CGB1: variants seen among roughly 807,000 people sequenced by gnomAD.
The protein encoded by CGB1 is choriogonadotropin subunit beta variant 1.
In CGB1, 4 loss-of-function variants were observed where a neutral mutation model predicts 7.0. The ratio of observed to expected loss-of-function variants is 0.57; its 90% CI spans 0.28 to 1.31. The LOEUF is 1.31. Ranked by LOEUF, CGB1 falls within the 50% of genes most tolerant of loss-of-function variation. The pLI is 0.10. For synonymous variants in CGB1, 72 were observed against 96.4 expected (o/e 0.75, Z 1.48); for missense variants, 139 against 219.1 (o/e 0.63, Z 2.31).
At position 49,035,652 on chromosome 19, in the gene CGB1, A is replaced by G. The variant is rs2039804837; in HGVS notation, c.426T>C (p.Pro142=). 6.2e-7 allele frequency: 1 copy of G among 1,610,156 alleles called. No individual in the cohort carries two copies. Among genetic ancestry groups the G allele is most frequent in the Admixed American group, 1.7e-5 (1 of 59,902 alleles). Residue 142 remains proline (P), a synonymous_variant, in exon 3 of 3, where the codon CCT becomes CCC. Transcript: ENST00000301407. The part of the protein sequence containing the change: ...RFQDSSSSKA[P]PPSLPSPSRL... ...GGGATGGACTTGGAAGGCTGGGGGGAGGGGCCTTTGAGGAAGAGGAGTCCT... is the reference window on the plus strand; with the variant it reads ...GGGATGGACTTGGAAGGCTGGGGGGGGGGGCCTTTGAGGAAGAGGAGTCCT...
At position 49,036,651 on chromosome 19, in the gene CGB1, C is replaced by A. The variant is rs528757170; in HGVS notation, c.9+52G>T. 25 of 1,614,000 alleles carry A rather than the reference C, an allele frequency of 1.5e-5. No homozygotes were observed. The African/African-American group carries it at 2.1e-4, about 14-fold the overall frequency. ...GGAAGGTGCCCAGGGGCCCTGCAGT[C>A]TTTCCTGGAACATCTCCATCTTTGG... On this transcript the variant is annotated intron_variant, in intron 1 of 2. Transcript: ENST00000301407.
intron 1 of CGB1, 155 bp from the exon 2 acceptor site, chr19:49,036,458 C>A: frequency 6.4e-7 from 1 of 1,557,980 alleles, no homozygotes; most frequent in Non-Finnish European, 8.7e-7. Context: ...TTTCAGAGCC[C>A]ACCCCACAGC....
intron 1 of CGB1, 83 bp downstream of exon 1, chr19:49,036,620 G>A (rs1420234375): frequency 2.5e-6 from 4 of 1,613,868 alleles, no homozygotes; most frequent in Non-Finnish European, 3.4e-6. Flanking sequence ...TGGCCTGGAA[G>A]GAGGTGGAAG....
At position 49,036,255 on chromosome 19, in the gene CGB1, T is replaced by C. The variant is rs755423976; in HGVS notation, c.58A>G (p.Lys20Glu). The change falls in exon 2 of 3, where the codon AAG becomes GAG. Residue 20 changes from lysine to glutamate, a missense_variant. Physicochemically the swap from Lys to Glu is moderately conservative, Grantham distance 56 (BLOSUM62 1). This residue lies in a region of CGB1 where 24 missense variants were observed against 23.9 expected (regional missense o/e 1.00). Transcript: ENST00000301407. Reference protein sequence around the residue: ...LLSMGGTWASKEPLRPRCRPI... With the variant: ...LLSMGGTWASEEPLRPRCRPI... ...CGGCACCGTGGCCGAAGCGGCTCCT[T>C]GGATGCCCATGTCCCGCCCATGCTC... The C allele has an allele frequency of 6.2e-7, 1 of 1,608,238 alleles. No individual in the cohort carries two copies. The highest frequency in any genetic ancestry group is 2.2e-5 in the East Asian group (1 of 44,856).
Position 49,036,785 on chromosome 19 carries a change from G to C in CGB1, c.-74C>G, listed in dbSNP as rs191756795. 5.0e-5 allele frequency: 80 copies of C among 1,608,830 alleles called. No individual in the cohort carries two copies. The highest frequency in any genetic ancestry group is 5.0e-4 in the Middle Eastern group (3 of 6,040). On this transcript the variant is annotated 5_prime_UTR_variant, in exon 1 of 3. Transcript: ENST00000301407. Reference sequence around the variant, plus strand: ...TGGAAAGTAAATTGAGTCTCCGTGGGGGAGTGAGACAGGGAGTGAGGGGTG... The same window carrying C: ...TGGAAAGTAAATTGAGTCTCCGTGGCGGAGTGAGACAGGGAGTGAGGGGTG...
chr19:49,036,340 T>G, intron 1 of CGB1, 37 bp from the exon 2 acceptor site: 1 of 1,603,022 alleles, frequency 6.2e-7, no homozygotes, highest in East Asian at 2.2e-5. Context: ...GGTCTGAGAC[T>G]GCAGCCCCCA....
At position 49,036,267 on chromosome 19, in the gene CGB1, T is replaced by C. The variant is rs748849664; in HGVS notation, c.46A>G (p.Thr16Ala). 6.2e-7 allele frequency: 1 copy of C among 1,607,486 alleles called. No homozygotes were observed. Among genetic ancestry groups the C allele is most frequent in the Non-Finnish European group, 8.5e-7 (1 of 1,179,680 alleles). The stretch of plus-strand genomic sequence containing the variant: ...CGAAGCGGCTCCTTGGATGCCCATG[T>C]CCCGCCCATGCTCAGCAGCAGCAAC... ...LLLLLLSMGG[T>A]WASKEPLRPR... The change falls in exon 2 of 3, where the codon ACA becomes GCA. Residue 16 changes from threonine (T) to alanine (A), a missense_variant. This residue lies in a region of CGB1 where 24 missense variants were observed against 23.9 expected (regional missense o/e 1.00). Coordinates refer to ENST00000301407, the MANE Select transcript of CGB1 (RefSeq NM_033377.2).
Position 49,036,816 on chromosome 19 carries a change from C to G in CGB1, c.-105G>C, listed in dbSNP as rs377556920. The G allele has an allele frequency of 1.4e-4, 218 of 1,553,742 alleles. 1 individual carries two copies. Among genetic ancestry groups the G allele is most frequent in the Non-Finnish European group, 1.9e-4 (214 of 1,126,610 alleles). Reference sequence around the variant, plus strand: ...GAGACAGGGAGTGAGGGGTGTTGGACGCGGCACGGGAACCTGGCCAGAGTC... The same window carrying G: ...GAGACAGGGAGTGAGGGGTGTTGGAGGCGGCACGGGAACCTGGCCAGAGTC... On this transcript the variant is annotated 5_prime_UTR_variant, in exon 1 of 3. Transcript: ENST00000301407.
At chr19:49,036,420 T>C (rs944275498) in intron 1 of CGB1, 117 bp from the exon 2 acceptor site, 1 of 1,591,722 alleles carries the variant, frequency 6.3e-7, no homozygotes, top group African/African-American at 1.3e-5. Context: ...GCATCTTCTA[T>C]TCAGGACCCA....
At position 49,035,867 on chromosome 19, in the gene CGB1, G is replaced by T; in HGVS notation, c.211C>A (p.Pro71Thr). The part of the protein sequence containing the change: ...RVLQGVLPAL[P>T]QVVCNYRDVR... ...TCGCGGTAGTTGCACACCACCTGAG[G>T]CAGGGCCGGCAGGACCCCCTGCAGC... Residue 71 changes from proline (P) to threonine (T), a missense_variant, in exon 3 of 3, where the codon CCT becomes ACT. Transcript: ENST00000301407. 2.1e-6 allele frequency: 3 copies of T among 1,456,904 alleles called. No homozygotes were observed. Among genetic ancestry groups the T allele is most frequent in the Non-Finnish European group, 2.8e-6 (3 of 1,080,224 alleles). 90.2% of individuals were successfully genotyped at this position (1,456,904 alleles called of 1,614,324 possible).
In CGB1 at chr19:49,036,825, G is replaced by C. The variant is rs571679811; in HGVS notation, c.-114C>G. 15 of 1,517,846 alleles carry C rather than the reference G, an allele frequency of 9.9e-6. No individual in the cohort carries two copies. Among genetic ancestry groups the C allele is most frequent in the Non-Finnish European group, 1.4e-5 (15 of 1,094,374 alleles). 94.0% of individuals were successfully genotyped at this position (1,517,846 alleles called of 1,614,324 possible). A position where few individuals can be genotyped will look rare whatever the true frequency, so the allele number is the denominator to read the frequency against. On this transcript the variant is annotated 5_prime_UTR_variant, in exon 1 of 3. Coordinates refer to ENST00000301407, the MANE Select transcript of CGB1 (RefSeq NM_033377.2). ...AGTGAGGGGTGTTGGACGCGGCACGGGAACCTGGCCAGAGTCAGCGGACCC... is the reference window on the plus strand; with the variant it reads ...AGTGAGGGGTGTTGGACGCGGCACGCGAACCTGGCCAGAGTCAGCGGACCC...
Position 49,035,635 on chromosome 19 carries a change from C to T in CGB1, c.443G>A (p.Ser148Asn), listed in dbSNP as rs765789272. The T allele has an allele frequency of 7.4e-6, 12 of 1,611,134 alleles. No homozygotes were observed. The Admixed American group carries it at 1.5e-4, about 20-fold the overall frequency. The change falls in exon 3 of 3, where the codon AGT becomes AAT. Residue 148 changes from serine (S) to asparagine (N), a missense_variant. Physicochemically the swap from Ser to Asn is conservative, Grantham distance 46. Transcript: ENST00000301407. Reference sequence around the variant, plus strand: ...CTAGGGCCCCGGGAGACGGGATGGACTTGGAAGGCTGGGGGGAGGGGCCTT... The same window carrying T: ...CTAGGGCCCCGGGAGACGGGATGGATTTGGAAGGCTGGGGGGAGGGGCCTT... ...SSKAPPPSLP[S>N]PSRLPGP
At position 49,035,670 on chromosome 19, in the gene CGB1, G is replaced by C; in HGVS notation, c.408C>G (p.Ser136=). 1 of 1,610,840 alleles carries C rather than the reference G, an allele frequency of 6.2e-7. No individual in the cohort carries two copies. Among genetic ancestry groups the C allele is most frequent in the Non-Finnish European group, 8.5e-7 (1 of 1,179,750 alleles). Residue 136 remains serine, a synonymous_variant, in exon 3 of 3, where the codon TCC becomes TCG. Coordinates refer to ENST00000301407, the MANE Select transcript of CGB1 (RefSeq NM_033377.2). ...TGGGGGGAGGGGCCTTTGAGGAAGAGGAGTCCTGGAAGCGGGGGTCATCAC... is the reference window on the plus strand; with the variant it reads ...TGGGGGGAGGGGCCTTTGAGGAAGACGAGTCCTGGAAGCGGGGGTCATCAC... ...LTCDDPRFQD[S]SSSKAPPPSL... is the part of the protein sequence containing the mutation.
rs942506736 is a variant in CGB1, at chr19:49,036,881, C to G, written c.-170G>C. ...GCTGCTCTCTCTCAGATGCAGTTCC[C>G]CTTCCTCCCTCCAGGGGGCGCCACG... On this transcript the variant is annotated 5_prime_UTR_variant, in exon 1 of 3. Transcript: ENST00000301407. The G allele has an allele frequency of 2.1e-5, 19 of 918,226 alleles. No individual in the cohort carries two copies. In the African/African-American group the frequency reaches 3.1e-4, roughly 15 times the overall value. The allele number at this position is 918,226 out of a possible 1,614,324, so 56.9% of individuals were successfully genotyped here.
chr19:49,036,473 A>G (rs2039820164), intron 1 of CGB1, 170 bp from the exon 2 acceptor site: 1 of 1,553,858 alleles, frequency 6.4e-7, no homozygotes, highest in Non-Finnish European at 8.7e-7. Context: ...CACAGCCCAG[A>G]GGACCTGAGA....
Position 49,036,842 on chromosome 19 carries a change from A to G in CGB1, c.-131T>C. The G allele has an allele frequency of 7.5e-7, 1 of 1,331,464 alleles. No individual in the cohort carries two copies. The highest frequency in any genetic ancestry group is 1.2e-5 in the South Asian group (1 of 83,354). 82.5% of individuals were successfully genotyped at this position (1,331,464 alleles called of 1,614,324 possible). ...GCGGCACGGGAACCTGGCCAGAGTC[A>G]GCGGACCCAATTGGCTGCTCTCTCT... On this transcript the variant is annotated 5_prime_UTR_variant, in exon 1 of 3. Coordinates refer to ENST00000301407, the MANE Select transcript of CGB1 (RefSeq NM_033377.2).
At position 49,035,620 on chromosome 19, in the gene CGB1, G is replaced by A. The variant is rs1380679945; in HGVS notation, c.458C>T (p.Pro153Leu). Residue 153 changes from proline to leucine, a missense_variant, in exon 3 of 3, where the codon CCG (proline) becomes CTG (leucine). This residue lies in a region of CGB1 where 44 missense variants were observed against 35.0 expected (regional missense o/e 1.26). Transcript: ENST00000301407. ...GAGGATCGGGGTGTCCTAGGGCCCCGGGAGACGGGATGGACTTGGAAGGCT... is the reference window on the plus strand; with the variant it reads ...GAGGATCGGGGTGTCCTAGGGCCCCAGGAGACGGGATGGACTTGGAAGGCT... The part of the protein sequence containing the change: ...PPSLPSPSRL[P>L]GP 4 of 1,611,458 alleles carry A rather than the reference G, an allele frequency of 2.5e-6. No individual in the cohort carries two copies. The highest frequency in any genetic ancestry group is 2.2e-5 in the East Asian group (1 of 44,878).
Position 49,036,286 on chromosome 19 carries a change from C to A in CGB1, c.27G>T (p.Leu9=). ...CCCATGTCCCGCCCATGCTCAGCAG[C>A]AGCAACAGCAGCAGCCTCTGGGGCA... The part of the protein sequence containing the change: MSKRLLLL[L]LLSMGGTWAS... The change falls in exon 2 of 3, where the codon CTG becomes CTT. Residue 9 remains leucine, a synonymous_variant. Coordinates refer to ENST00000301407, the MANE Select transcript of CGB1 (RefSeq NM_033377.2). 1 of 1,606,092 alleles carries A rather than the reference C, an allele frequency of 6.2e-7. No homozygotes were observed. Among genetic ancestry groups the A allele is most frequent in the South Asian group, 1.1e-5 (1 of 90,938 alleles).
rs776805155 is a variant in CGB1, at chr19:49,035,632, G to T, written c.446C>A (p.Pro149Gln). The change falls in exon 3 of 3, where the codon CCA becomes CAA. Residue 149 changes from proline (P) to glutamine (Q), a missense_variant. Pro to Gln is a moderately conservative substitution (Grantham distance 76). Around this residue, in one of 4 missense-constraint regions of CGB1, gnomAD observed 44 missense variants for 35.0 expected, o/e 1.26. Coordinates refer to ENST00000301407, the MANE Select transcript of CGB1 (RefSeq NM_033377.2). ...GTCCTAGGGCCCCGGGAGACGGGAT[G>T]GACTTGGAAGGCTGGGGGGAGGGGC... ...SKAPPPSLPS[P>Q]SRLPGP The T allele has an allele frequency of 6.2e-7, 1 of 1,611,334 alleles. No homozygotes were observed. The highest frequency in any genetic ancestry group is 8.5e-7 in the Non-Finnish European group (1 of 1,179,898).
Sources: allele counts gnomAD v4.1 joint callset, GRCh38; gene constraint gnomAD v4.1.1; regional missense constraint gnomAD v4.1.1; transcripts MANE v1.5; gene names NCBI Gene and HGNC (gene_info 2026-07-23, HGNC 2026-07-21).